Variants in ADAMTSL1 observed in about 807,000 individuals in gnomAD.
ADAMTSL1 encodes the protein ADAMTS like 1.
Under a neutral mutation model 201.8 loss-of-function variants are expected in ADAMTSL1, and 126 were observed. The observed-to-expected ratio is 0.62, with a 90% CI of 0.54 to 0.72. ADAMTSL1 has a LOEUF of 0.72. Among genes scored for constraint, ADAMTSL1 ranks in the 30% least tolerant of loss-of-function variants. The pLI is 0.00. For synonymous variants in ADAMTSL1, 1,121 were observed against 903.4 expected, an observed-to-expected ratio of 1.24 and a Z score of -4.32; for missense variants, 2,679 against 2,277.8, an observed-to-expected ratio of 1.18 and a Z score of -3.59.
intron 2 of ADAMTSL1, among the ~76,000 whole-genome samples, chr9:18,449,265 CTATTA>C (rs1239329115): frequency 6.6e-6 from 1 of 150,538 alleles, no homozygotes; most frequent in African/African-American, 2.4e-5. Context: ...GCTAGCAACT[CTATTA>C]TATAATTTAA....
chr9:18,592,796 G>A (rs1824010486), intron 4 of ADAMTSL1, among the ~76,000 whole-genome samples: 1 of 152,088 alleles, frequency 6.6e-6, no homozygotes, highest in South Asian at 2.1e-4. Context: ...CAATGAATCT[G>A]TAGATTGTTT....
At chr9:18,376,013 G>A (rs1587007438) in intron 2 of ADAMTSL1, among the ~76,000 whole-genome samples, 2 of 152,248 alleles carry the variant, frequency 1.3e-5, no homozygotes, top group East Asian at 1.9e-4. Flanking sequence ...AGTGCTGATT[G>A]GTGCATTTTA....
intron 1 of ADAMTSL1, among the ~76,000 whole-genome samples, chr9:18,013,504 A>C (rs1586895371): frequency 6.6e-6 from 1 of 152,048 alleles, no homozygotes; most frequent in East Asian, 1.9e-4. Flanking sequence ...TAAGTGAAGG[A>C]GTTTTCTAAT....
Position 18,770,471 on chromosome 9 carries a change from T to C in ADAMTSL1, c.2218-131T>C. 6 of 938,146 alleles carry C rather than the reference T, an allele frequency of 6.4e-6. 1 individual carries two copies. The highest frequency in any genetic ancestry group is 6.1e-6 in the Non-Finnish European group (4 of 652,652). The allele number at this position is 938,146 out of a possible 1,614,324, so 58.1% of individuals were successfully genotyped here. A position where few individuals can be genotyped will look rare whatever the true frequency, so the allele number is the denominator to read the frequency against. ...GAAGAAACAAAATCCTTTGGGCCGA[T>C]TCCTGGTTTTTCTTCTTCTTCTGGA... is the stretch of plus-strand genomic sequence containing the variant. On this transcript the variant is annotated intron_variant, in intron 16 of 28. Transcript: ENST00000380548.
At chr9:18,129,898 G>A (rs1825878614) in intron 1 of ADAMTSL1, among the ~76,000 whole-genome samples, 2 of 152,138 alleles carry the variant, frequency 1.3e-5, no homozygotes, top group South Asian at 4.1e-4. Context: ...GTAAAGGAAA[G>A]GAAAGCTTAA....
At chr9:18,212,529 G>C (rs1287144960) in intron 2 of ADAMTSL1, among the ~76,000 whole-genome samples, 1 of 152,210 alleles carries the variant, frequency 6.6e-6, no homozygotes, top group African/African-American at 2.4e-5. Flanking sequence ...TCTTGGAGAA[G>C]ACTGGATTGG....
intron 1 of ADAMTSL1, among the ~76,000 whole-genome samples, chr9:18,495,295 G>A (rs115682195): frequency 1.3e-5 from 2 of 152,202 alleles, no homozygotes; most frequent in African/African-American, 4.8e-5. Context: ...TGAAAGCAAC[G>A]CGTCCCTCAA....
At chr9:18,532,574 C>G (rs927371616) in intron 2 of ADAMTSL1, among the ~76,000 whole-genome samples, 26 of 151,882 alleles carry the variant, frequency 1.7e-4, no homozygotes, top group African/African-American at 6.0e-4. Flanking sequence ...GAAAATGCCT[C>G]CAAAAAATTT....
chr9:18,330,452 C>CAA (rs375562301), intron 2 of ADAMTSL1, among the ~76,000 whole-genome samples: 4 of 143,578 alleles, frequency 2.8e-5, no homozygotes, highest in South Asian at 2.2e-4. Context: ...TTTGTTTCAT[C>CAA]AAAAAAAAAA....
chr9:18,430,314 A>G (rs1213112399), intron 2 of ADAMTSL1, among the ~76,000 whole-genome samples: 1 of 152,124 alleles, frequency 6.6e-6, no homozygotes, highest in Non-Finnish European at 1.5e-5. Flanking sequence ...TTTTTCTGTG[A>G]CCCACAATGG....
chr9:18,514,479 G>A (rs549996333), intron 2 of ADAMTSL1, among the ~76,000 whole-genome samples: 5 of 151,854 alleles, frequency 3.3e-5, no homozygotes, highest in South Asian at 2.1e-4. Context: ...ACAGGCACCC[G>A]CCACCATGCC....
chr9:18,897,848 G>A (rs1042191749), intron 26 of ADAMTSL1, among the ~76,000 whole-genome samples: 2 of 152,130 alleles, frequency 1.3e-5, no homozygotes. Flanking sequence ...GTGGGCTGAG[G>A]CTGAGATGGT....
At chr9:18,146,873 G>A (rs928992661) in intron 1 of ADAMTSL1, among the ~76,000 whole-genome samples, 12 of 152,046 alleles carry the variant, frequency 7.9e-5, no homozygotes, top group Admixed American at 2.0e-4. Flanking sequence ...GAAATTTATT[G>A]TGTAGAATTT....
chr9:18,340,831 T>C (rs1220378175), intron 2 of ADAMTSL1, among the ~76,000 whole-genome samples: 2 of 152,146 alleles, frequency 1.3e-5, no homozygotes, highest in Non-Finnish European at 2.9e-5. Context: ...AAACTGTGAG[T>C]CCATTAAACC....
At chr9:18,169,485 A>G (rs1266909102) in intron 2 of ADAMTSL1, among the ~76,000 whole-genome samples, 1 of 151,984 alleles carries the variant, frequency 6.6e-6, no homozygotes, top group Non-Finnish European at 1.5e-5. Context: ...ATTGATCTAT[A>G]TCTCTGTTTT....
chr9:18,505,002 C>T (rs1293816598), intron 2 of ADAMTSL1, 46 bp downstream of exon 2: 1 of 1,572,796 alleles, frequency 6.4e-7, no homozygotes, highest in Non-Finnish European at 8.5e-7. Flanking sequence ...CCAGAGGTAG[C>T]CGGTTTGAGG....
rs375182169 is a variant in ADAMTSL1, at chr9:18,228,398, G to A, written c.207+64417G>A. Among the ~76,000 whole-genome samples the A allele has an allele frequency of 1.1e-3, 170 of 152,120 alleles. 1 individual carries two copies. The South Asian group carries it at 0.034, about 30-fold the overall frequency. The stretch of plus-strand genomic sequence containing the variant: ...GCTTGGATCTGTGTTCTCATACAAA[G>A]GTAAATTCTTCTCCTTCTATTATTT... On this transcript the variant is annotated intron_variant, in intron 2 of 29. Transcript: ENST00000680146.
Position 18,452,936 on chromosome 9 carries a change from G to A in ADAMTSL1, c.208-51893G>A, listed in dbSNP as rs1393063329. On this transcript the variant is annotated intron_variant, in intron 2 of 29. Coordinates refer to the ADAMTSL1 transcript ENST00000680146. The stretch of plus-strand genomic sequence containing the variant: ...TGTAAGCTGGTAGCTCTATAGTTCT[G>A]GGTCCAGGGGTGGCCCCATTTCCAA... Among the ~76,000 whole-genome samples the A allele has an allele frequency of 2.0e-5, 3 of 152,292 alleles. No individual in the cohort carries two copies. The East Asian group carries it at 5.8e-4, about 29-fold the overall frequency.
In ADAMTSL1 at chr9:18,315,929, C is replaced by G. The variant is rs565606814; in HGVS notation, c.207+151948C>G. On this transcript the variant is annotated intron_variant, in intron 2 of 29. Transcript: ENST00000680146. ...CTTCTCAGTATCAGGGAACCTGCCC[C>G]GATATTCATGTAGGTTCTTTTCTAT... Among the ~76,000 whole-genome samples the G allele has an allele frequency of 1.9e-4, 29 of 152,316 alleles. No homozygotes were observed. The East Asian group carries it at 5.6e-3, about 29-fold the overall frequency.
Sources: allele counts gnomAD v4.1 joint callset (sites outside exome capture counted in the v4.1 genomes callset), GRCh38; gene constraint gnomAD v4.1.1; transcripts MANE v1.5; gene names NCBI Gene and HGNC (gene_info 2026-07-23, HGNC 2026-07-21).